Variants in PCDH11X observed in about 807,000 individuals in gnomAD.
PCDH11X encodes the protein protocadherin-11 X-linked.
PCDH11X carries 18 observed loss-of-function variants against 53.3 expected under a neutral mutation model. The observed-to-expected ratio is 0.34, with a 90% CI of 0.23 to 0.50. PCDH11X has a LOEUF of 0.50. Among genes scored for constraint, PCDH11X ranks in the 20% least tolerant of loss-of-function variants. PCDH11X has a pLI of 0.98. For missense variants in PCDH11X, 570 were observed against 1,032.4 expected (o/e 0.55, Z 6.14); for synonymous variants, 279 against 393.3 (o/e 0.71, Z 3.44).
intron 7 of PCDH11X, among the ~76,000 whole-genome samples, chrX:92,236,028 T>C (rs1465260223): frequency 8.9e-6 from 1 of 112,000 alleles, no homozygotes; most frequent in Non-Finnish European, 1.9e-5. Flanking sequence ...ATAAAAATTA[T>C]CTATTTTTCA....
chrX:92,139,270 C>T (rs867093069), intron 6 of PCDH11X, among the ~76,000 whole-genome samples: 8 of 82,780 alleles, frequency 9.7e-5, no homozygotes, highest in African/African-American at 1.4e-4. Context: ...TTCTTTCTTT[C>T]TTTTTTTTTT....
chrX:92,023,743 G>T (rs1418432827), intron 6 of PCDH11X, among the ~76,000 whole-genome samples: 1 of 103,463 alleles, frequency 9.7e-6, no homozygotes, highest in Non-Finnish European at 2.0e-5. Flanking sequence ...TATCTCTGAT[G>T]AACATCAATG....
At chrX:92,599,067 C>A (rs903709907) in intron 10 of PCDH11X, among the ~76,000 whole-genome samples, 2 of 110,987 alleles carry the variant, frequency 1.8e-5, no homozygotes, top group African/African-American at 6.6e-5. Context: ...GAGTGGGTGG[C>A]AGGGATGGTT....
intron 6 of PCDH11X, among the ~76,000 whole-genome samples, chrX:91,962,724 C>G (rs948540989): frequency 1.8e-5 from 2 of 110,971 alleles, no homozygotes; most frequent in African/African-American, 6.6e-5. Context: ...ATGAGAACTC[C>G]ATCCCTGCAA....
intron 10 of PCDH11X, among the ~76,000 whole-genome samples, chrX:92,587,706 C>T (rs1924550410): frequency 9.3e-6 from 1 of 107,114 alleles, no homozygotes; most frequent in Non-Finnish European, 1.9e-5. Flanking sequence ...GGCAACAGTT[C>T]ACTTGTAAAT....
At chrX:92,491,537 A>G (rs1288847805) in intron 10 of PCDH11X, among the ~76,000 whole-genome samples, 2 of 111,089 alleles carry the variant, frequency 1.8e-5, no homozygotes, top group Non-Finnish European at 3.8e-5. Context: ...AGACAAAAAC[A>G]TTAACCTACC....
rs758228033 is a variant in PCDH11X, at chrX:92,425,451, T to TC, written c.3343+37519dup. On this transcript the variant is annotated intron_variant, in intron 9 of 10. Coordinates refer to ENST00000682573, the MANE Select transcript of PCDH11X (RefSeq NM_032968.5). ...GAATCAAAGGTGACTCCATTTTTTT[T>TC]CACCTAAGAAAATAGAAGTTTGCAT... Among the ~76,000 whole-genome samples, 142 of 106,189 alleles carry TC rather than the reference T, an allele frequency of 1.3e-3. 1 individual carries two copies. Among genetic ancestry groups the TC allele is most frequent in the African/African-American group, 4.6e-3 (135 of 29,443 alleles). 92.2% of individuals were successfully genotyped at this position (106,189 alleles called of 115,157 possible).
chrX:91,805,324 C>T (rs1392694761), intron 1 of PCDH11X, among the ~76,000 whole-genome samples: 1 of 111,042 alleles, frequency 9.0e-6, no homozygotes, highest in Admixed American at 9.6e-5. Flanking sequence ...ACACTAGACC[C>T]TTTTCATCTA....
chrX:91,964,599 T>C (rs1209792405), intron 6 of PCDH11X, among the ~76,000 whole-genome samples: 6 of 112,595 alleles, frequency 5.3e-5, no homozygotes, highest in African/African-American at 1.6e-4. Flanking sequence ...CATTACACTA[T>C]TGAGCATCAC....
Position 92,220,435 on chromosome X carries a change from A to G in PCDH11X, c.3114+18980A>G, listed in dbSNP as rs1283650438. Among the ~76,000 whole-genome samples, 12 of 105,600 alleles carry G rather than the reference A, an allele frequency of 1.1e-4. No individual in the cohort carries two copies. The East Asian group carries it at 2.6e-3, about 23-fold the overall frequency. The allele number at this position is 105,600 out of a possible 115,157, so 91.7% of individuals were successfully genotyped here. On this transcript the variant is annotated intron_variant, in intron 7 of 10. Coordinates refer to ENST00000682573, the MANE Select transcript of PCDH11X (RefSeq NM_032968.5). ...AAAGAAGACATTTATGCAGCCAAAA[A>G]ACACATGAAAAAATGCTCACCATCA...
intron 6 of PCDH11X, among the ~76,000 whole-genome samples, chrX:92,190,976 C>T (rs1208637496): frequency 8.9e-6 from 1 of 111,891 alleles, no homozygotes; most frequent in Admixed American, 9.5e-5. Context: ...ATATGCAAAT[C>T]TTTCCCAATG....
intron 6 of PCDH11X, among the ~76,000 whole-genome samples, chrX:92,136,067 A>C (rs2065077955): frequency 3.6e-5 from 4 of 111,570 alleles, no homozygotes; most frequent in Non-Finnish European, 7.5e-5. Flanking sequence ...ATGGCAAGGA[A>C]GTCTTATGTG....
chrX:92,012,526 AGTTT>A (rs1304048717), intron 6 of PCDH11X, among the ~76,000 whole-genome samples: 2 of 111,848 alleles, frequency 1.8e-5, no homozygotes, highest in Non-Finnish European at 3.8e-5. Flanking sequence ...ACTTTTCGCA[AGTTT>A]GTTCTTCTTG....
intron 6 of PCDH11X, among the ~76,000 whole-genome samples, chrX:92,185,340 G>A (rs1472733152): frequency 9.0e-6 from 1 of 111,093 alleles, no homozygotes; most frequent in Non-Finnish European, 1.9e-5. Context: ...CTCATATCTC[G>A]CCATATCCAA....
intron 5 of PCDH11X, among the ~76,000 whole-genome samples, chrX:91,840,419 C>G (rs749021229): frequency 9.0e-6 from 1 of 111,459 alleles, no homozygotes; most frequent in Non-Finnish European, 1.9e-5. Context: ...CTACCCATCC[C>G]ATAAGGCATC....
At chrX:92,480,586 C>T (rs1404685526) in intron 10 of PCDH11X, among the ~76,000 whole-genome samples, 1 of 110,058 alleles carries the variant, frequency 9.1e-6, no homozygotes, top group Middle Eastern at 4.3e-3. Flanking sequence ...GTTCAGTCAA[C>T]TGGCTTCATT....
At chrX:92,419,026 T>G (rs372143083) in intron 9 of PCDH11X, among the ~76,000 whole-genome samples, 1,337 of 53,461 alleles carry the variant, frequency 0.025, 18 homozygotes, top group African/African-American at 0.055. Context: ...TGTATTGGGG[T>G]TTTTTTTTTT....
intron 10 of PCDH11X, among the ~76,000 whole-genome samples, chrX:92,614,622 G>T (rs749729256): frequency 9.3e-6 from 1 of 108,043 alleles, no homozygotes; most frequent in Non-Finnish European, 1.9e-5. Context: ...TGAGCTCCTT[G>T]CTCTGTCCTA....
At chrX:92,413,570 T>C (rs1284975535) in intron 9 of PCDH11X, among the ~76,000 whole-genome samples, 1 of 95,477 alleles carries the variant, frequency 1.0e-5, no homozygotes, top group Non-Finnish European at 2.0e-5. Context: ...CAACTCATAG[T>C]CTCTCAATAC....
Sources: gnomAD v4.1 joint callset for allele counts (sites outside exome capture counted in the v4.1 genomes callset) on GRCh38, gnomAD v4.1.1 for gene constraint, MANE v1.5 for transcripts, NCBI Gene and HGNC (gene_info 2026-07-23, HGNC 2026-07-21) for gene names.